The following CADPS variants were observed in gnomAD, a reference collection of about 807,000 sequenced individuals.
CADPS encodes calcium dependent secretion activator.
Under a neutral mutation model 167.3 loss-of-function variants are expected in CADPS, and 57 were observed. The observed-to-expected ratio is 0.34, with a 90% CI of 0.28 to 0.42. The LOEUF is 0.42. CADPS is among the 20% of genes least tolerant of loss of function. CADPS has a pLI of 1.00. For synonymous variants in CADPS, 676 were observed against 635.3 expected (o/e 1.06, Z -0.96); for missense variants, 1,414 against 1,738.1 (o/e 0.81, Z 3.32).
intron 3 of CADPS, among the ~76,000 whole-genome samples, chr3:62,743,705 C>T (rs764726058): frequency 6.6e-6 from 1 of 152,108 alleles, no homozygotes; most frequent in African/African-American, 2.4e-5. Flanking sequence ...TCAGGAAACA[C>T]TTGGATTGCT....
intron 4 of CADPS, among the ~76,000 whole-genome samples, chr3:62,655,812 T>A (rs528421074): frequency 6.6e-6 from 1 of 152,096 alleles, no homozygotes; most frequent in Non-Finnish European, 1.5e-5. Flanking sequence ...CTCAGACACT[T>A]CCTGGGCTTC....
chr3:62,741,862 T>C (rs2080339896), intron 3 of CADPS, among the ~76,000 whole-genome samples: 1 of 152,206 alleles, frequency 6.6e-6, no homozygotes, highest in African/African-American at 2.4e-5. Flanking sequence ...CATGATCCTA[T>C]ATCTATAAAT....
chr3:62,857,907 A>T (rs918398566), intron 1 of CADPS, among the ~76,000 whole-genome samples: 2 of 152,158 alleles, frequency 1.3e-5, no homozygotes, highest in African/African-American at 4.8e-5. Context: ...TTACATCTAC[A>T]ATGAAGTTTT....
rs186877716 is a variant in CADPS at position 62,746,652 on chromosome 3, A to G, written c.888+6789T>C. Among the ~76,000 whole-genome samples the G allele has an allele frequency of 2.6e-5, 4 of 152,254 alleles. No individual in the cohort carries two copies. The East Asian group carries it at 7.7e-4, about 29-fold the overall frequency. Reference sequence around the variant, plus strand: ...TGTGCCCAACCAGGTGATCCTTTTAACAGTGCATCTATAAATAAAAAATTT... The same window carrying G: ...TGTGCCCAACCAGGTGATCCTTTTAGCAGTGCATCTATAAATAAAAAATTT... On this transcript the variant is annotated intron_variant, in intron 3 of 29. Coordinates refer to ENST00000383710, the MANE Select transcript of CADPS (RefSeq NM_003716.4).
intron 1 of CADPS, among the ~76,000 whole-genome samples, chr3:62,816,203 T>C (rs1576801048): frequency 6.6e-6 from 1 of 152,268 alleles, no homozygotes; most frequent in East Asian, 1.9e-4. Context: ...AGCCTATATG[T>C]AATGGGAAAA....
chr3:62,832,933 A>G (rs1230001741), intron 1 of CADPS, among the ~76,000 whole-genome samples: 1 of 152,188 alleles, frequency 6.6e-6, no homozygotes, highest in Non-Finnish European at 1.5e-5. Flanking sequence ...ACTCCTTTAG[A>G]AAACAACAAC....
At chr3:62,813,723 G>A (rs917345647) in intron 1 of CADPS, among the ~76,000 whole-genome samples, 2 of 152,014 alleles carry the variant, frequency 1.3e-5, no homozygotes, top group Non-Finnish European at 2.9e-5. Context: ...AAGGTCTAAC[G>A]TCCAGAATCT....
At chr3:62,561,555 C>T (rs1331291096) in intron 9 of CADPS, among the ~76,000 whole-genome samples, 1 of 152,068 alleles carries the variant, frequency 6.6e-6, no homozygotes, top group Non-Finnish European at 1.5e-5. Flanking sequence ...CAGGCATGAG[C>T]CACCACACCT....
chr3:62,835,068 T>C (rs1513142), intron 1 of CADPS, among the ~76,000 whole-genome samples: 29,927 of 152,112 alleles, frequency 0.2, 3,301 homozygotes, highest in Middle Eastern at 0.35. Flanking sequence ...TAATATAATT[T>C]AAATGGAAAA....
chr3:62,664,637 A>G (rs1347884727), intron 3 of CADPS, among the ~76,000 whole-genome samples: 1 of 152,262 alleles, frequency 6.6e-6, no homozygotes, highest in Non-Finnish European at 1.5e-5. Flanking sequence ...GAAACATTCA[A>G]CTACTTCACT....
At chr3:62,805,209 C>A (rs547855583) in intron 1 of CADPS, among the ~76,000 whole-genome samples, 1 of 152,258 alleles carries the variant, frequency 6.6e-6, no homozygotes, top group African/African-American at 2.4e-5. Flanking sequence ...GTCAAAATTG[C>A]CCCCAGTTGA....
At chr3:62,600,343 T>C (rs1022140175) in intron 6 of CADPS, among the ~76,000 whole-genome samples, 1 of 152,062 alleles carries the variant, frequency 6.6e-6, no homozygotes, top group South Asian at 2.1e-4. Flanking sequence ...GCCACCAAGC[T>C]ATATAATAAG....
chr3:62,748,088 A>T (rs904092111), intron 3 of CADPS, among the ~76,000 whole-genome samples: 1 of 147,490 alleles, frequency 6.8e-6, no homozygotes, highest in African/African-American at 2.5e-5. Context: ...TGGGAGGCTG[A>T]GGCGGGCGGA....
chr3:62,813,509 T>C (rs917416780), intron 1 of CADPS, among the ~76,000 whole-genome samples: 2 of 151,978 alleles, frequency 1.3e-5, no homozygotes, highest in African/African-American at 4.8e-5. Context: ...ATTATTAAAA[T>C]CATAGAAGAA....
At chr3:62,620,236 C>T (rs1427360578) in intron 6 of CADPS, among the ~76,000 whole-genome samples, 2 of 152,048 alleles carry the variant, frequency 1.3e-5, no homozygotes, top group Non-Finnish European at 2.9e-5. Context: ...TTAGGGATCT[C>T]TTCCAGTTCA....
chr3:62,796,378 T>C (rs1157931715), intron 1 of CADPS: 1 of 152,146 alleles, frequency 6.6e-6, no homozygotes, highest in Non-Finnish European at 1.5e-5. Context: ...CCTTAGCCTC[T>C]GGAGTAGTTT....
At chr3:62,686,928 TC>T (rs1420459642) in intron 3 of CADPS, among the ~76,000 whole-genome samples, 1 of 152,060 alleles carries the variant, frequency 6.6e-6, no homozygotes, top group African/African-American at 2.4e-5. Context: ...CCTTTGTTCC[TC>T]CCCACATAGT....
intron 9 of CADPS, among the ~76,000 whole-genome samples, chr3:62,570,647 T>A (rs935723195): frequency 6.6e-6 from 1 of 152,190 alleles, no homozygotes; most frequent in Non-Finnish European, 1.5e-5. Context: ...TTTTTTAAAA[T>A]TTAAAAGTGA....
chr3:62,665,905 T>C (rs1353304175), intron 3 of CADPS, among the ~76,000 whole-genome samples: 1 of 152,218 alleles, frequency 6.6e-6, no homozygotes, highest in Admixed American at 6.5e-5. Context: ...GCTTAGTCCA[T>C]GGCTTGGCAT....
Sources: allele counts gnomAD v4.1 joint callset (sites outside exome capture counted in the v4.1 genomes callset), GRCh38; gene constraint gnomAD v4.1.1; transcripts MANE v1.5; gene names NCBI Gene and HGNC (gene_info 2026-07-23, HGNC 2026-07-21).